AK9: variants seen among roughly 807,000 people sequenced by gnomAD.
AK9 encodes the protein adenylate kinase 9.
AK9 carries 191 observed loss-of-function variants against 239.6 expected under a neutral mutation model. That is an observed-to-expected ratio of 0.80 (90% CI 0.71 to 0.90). AK9 has a LOEUF of 0.90. AK9 is among the 40% of genes least tolerant of loss of function. The pLI, the probability that AK9 is intolerant of heterozygous loss-of-function variation, is 0.00. For synonymous variants in AK9, 689 were observed against 721.0 expected, an observed-to-expected ratio of 0.96 and a Z score of 0.71; for missense variants, 1,995 against 2,214.7, an observed-to-expected ratio of 0.90 and a Z score of 1.99.
At chr6:109,690,108 T>G (rs1774116434) in intron 1 of AK9, among the ~76,000 whole-genome samples, 1 of 152,198 alleles carries the variant, frequency 6.6e-6, no homozygotes, top group African/African-American at 2.4e-5. Context: ...GTTATCTGGG[T>G]ATGCTATAAT....
intron 10 of AK9, among the ~76,000 whole-genome samples, chr6:109,639,625 T>C (rs1421245533): frequency 6.6e-6 from 1 of 152,214 alleles, no homozygotes; most frequent in Non-Finnish European, 1.5e-5. Context: ...GGTAGTTTCT[T>C]TTGCTGGGCA....
Position 109,585,249 on chromosome 6 carries a change from A to G in AK9, c.2000-12T>C, listed in dbSNP as rs535847530. 1.7e-5 allele frequency: 13 copies of G among 764,878 alleles called. No individual in the cohort carries two copies. In the East Asian group the frequency reaches 1.0e-3, roughly 61 times the overall value. 47.4% of individuals were successfully genotyped at this position (764,878 alleles called of 1,614,324 possible). On this transcript the variant is annotated splice_polypyrimidine_tract_variant and intron_variant, in intron 18 of 40. Transcript: ENST00000424296. ...AAATAAACATTTTCCTGAAATACAG[A>G]TAAGGAGACTAATATTACTTTTGTA...
chr6:109,504,367 A>T (rs1777895641), intron 35 of AK9, among the ~76,000 whole-genome samples: 1 of 152,170 alleles, frequency 6.6e-6, no homozygotes, highest in Non-Finnish European at 1.5e-5. Flanking sequence ...CTGTCTCAAA[A>T]AATAAAAAAT....
At chr6:109,688,372 G>T (rs1424540538) in intron 1 of AK9, among the ~76,000 whole-genome samples, 2 of 152,156 alleles carry the variant, frequency 1.3e-5, no homozygotes, top group African/African-American at 4.8e-5. Context: ...TACCTGCAGT[G>T]CCTTGGCCAG....
At chr6:109,552,467 CT>C (rs988489653) in intron 24 of AK9, among the ~76,000 whole-genome samples, 26 of 152,006 alleles carry the variant, frequency 1.7e-4, no homozygotes, top group African/African-American at 6.3e-4. Flanking sequence ...TGATGTTGAG[CT>C]TTTTTCATGT....
In AK9 at chr6:109,528,880, G is replaced by A. The variant is rs1171232836; in HGVS notation, c.3633+131C>T. 2.2e-5 allele frequency: 32 copies of A among 1,463,372 alleles called. 1 individual carries two copies. The South Asian group carries it at 2.5e-4, about 11-fold the overall frequency. 90.6% of individuals were successfully genotyped at this position (1,463,372 alleles called of 1,614,324 possible). On this transcript the variant is annotated intron_variant, in intron 29 of 40. Transcript: ENST00000424296. The stretch of plus-strand genomic sequence containing the variant: ...CTCATGCCTGTAATCCTAGCACTTT[G>A]AGAGGCTGAGGTGGGAGGATCCCTT...
At chr6:109,664,123 G>A (rs1034220144) in intron 5 of AK9, among the ~76,000 whole-genome samples, 2 of 152,034 alleles carry the variant, frequency 1.3e-5, no homozygotes, top group Admixed American at 6.5e-5. Flanking sequence ...AACAAGTCAT[G>A]GTTTTATGAT....
At chr6:109,535,206 G>A (rs1209446164) in intron 27 of AK9, among the ~76,000 whole-genome samples, 1 of 152,160 alleles carries the variant, frequency 6.6e-6, no homozygotes, top group African/African-American at 2.4e-5. Flanking sequence ...GGTTGAACTA[G>A]TTTACAGTCT....
intron 15 of AK9, among the ~76,000 whole-genome samples, chr6:109,613,659 T>TA (rs1381977876): frequency 1.3e-5 from 2 of 151,388 alleles, no homozygotes; most frequent in Non-Finnish European, 1.5e-5. Context: ...ACATTATAAG[T>TA]AAAAAAATGT....
Position 109,656,841 on chromosome 6 carries a change from T to A in AK9, c.674A>T (p.His225Leu). ...ATAATCTTCAGGCCTCTGAACTAGA[T>A]GATGAAGAATTTCAGCCACCATCTG... ...EMQMVAEILHHLVQRPEDYLE... is the reference protein window; with the variant it reads ...EMQMVAEILHLLVQRPEDYLE... The change falls in exon 8 of 41, where the codon CAT becomes CTT. Residue 225 changes from histidine to leucine, a missense_variant. By Grantham distance (99) the His-to-Leu change is moderately conservative. This residue lies in a region of AK9 where 17 missense variants were observed against 39.1 expected (regional missense o/e 0.43). Transcript: ENST00000424296. The A allele has an allele frequency of 1.2e-6, 2 of 1,612,662 alleles. No homozygotes were observed. The highest frequency in any genetic ancestry group is 1.3e-5 in the African/African-American group (1 of 74,976).
chr6:109,590,328 C>A (rs1790050737), intron 17 of AK9, among the ~76,000 whole-genome samples: 1 of 152,102 alleles, frequency 6.6e-6, no homozygotes, highest in African/African-American at 2.4e-5. Context: ...TTATCCATTT[C>A]CTCTAGGTTT....
intron 8 of AK9, among the ~76,000 whole-genome samples, chr6:109,645,417 G>T (rs1268969330): frequency 1.3e-5 from 2 of 152,218 alleles, no homozygotes; most frequent in African/African-American, 4.8e-5. Flanking sequence ...TGCTGCGCCT[G>T]GCTCAGAGCA....
chr6:109,630,367 T>TCCTAGTTAAA (rs1220564863), intron 12 of AK9, among the ~76,000 whole-genome samples: 1 of 152,204 alleles, frequency 6.6e-6, no homozygotes, highest in Non-Finnish European at 1.5e-5. Context: ...TGTGATGCTA[T>TCCTAGTTAAA]CCTAGTTAAA....
chr6:109,603,745 G>T (rs1420333884), intron 17 of AK9, among the ~76,000 whole-genome samples: 1 of 152,150 alleles, frequency 6.6e-6, no homozygotes, highest in Non-Finnish European at 1.5e-5. Flanking sequence ...TGGTTGCTTT[G>T]TTTACCTACT....
At chr6:109,652,597 C>T (rs1799127708) in intron 8 of AK9, among the ~76,000 whole-genome samples, 1 of 152,166 alleles carries the variant, frequency 6.6e-6, no homozygotes, top group Non-Finnish European at 1.5e-5. Flanking sequence ...TATTCTTCTG[C>T]TGTTTGACAT....
intron 10 of AK9, among the ~76,000 whole-genome samples, chr6:109,637,012 C>T (rs1458136578): frequency 6.6e-6 from 1 of 152,116 alleles, no homozygotes; most frequent in African/African-American, 2.4e-5. Flanking sequence ...CATTTTACAT[C>T]CCCACAAACA....
rs1562568336 is a variant in AK9, at chr6:109,659,213, C to G, written c.630+15G>C. On this transcript the variant is annotated intron_variant, in intron 7 of 40. Coordinates refer to ENST00000424296, the MANE Select transcript of AK9 (RefSeq NM_001145128.3). ...AAAAAGTGTAGTGTATGGTAGTTAC[C>G]TATTGAGATATTACCTCTTCTTCTT... 6.4e-7 allele frequency: 1 copy of G among 1,561,394 alleles called. No homozygotes were observed. Among genetic ancestry groups the G allele is most frequent in the African/African-American group, 1.4e-5 (1 of 72,300 alleles).
chr6:109,632,309 G>T, intron 12 of AK9: 1 of 985,692 alleles, frequency 1.0e-6, no homozygotes, highest in Non-Finnish European at 1.2e-6. Flanking sequence ...ATTCCTTCTT[G>T]CATAGGCAAT....
intron 17 of AK9, among the ~76,000 whole-genome samples, chr6:109,603,861 C>T (rs964870769): frequency 7.9e-5 from 12 of 152,164 alleles, no homozygotes; most frequent in Non-Finnish European, 1.5e-4. Flanking sequence ...GGGCGTGGGA[C>T]CCTCCGAGCC....
Sources: allele counts gnomAD v4.1 joint callset (sites outside exome capture counted in the v4.1 genomes callset), GRCh38; gene constraint gnomAD v4.1.1; regional missense constraint gnomAD v4.1.1; transcripts MANE v1.5; gene names NCBI Gene and HGNC (gene_info 2026-07-23, HGNC 2026-07-21).